The following RHOA variants were observed in gnomAD, a reference collection of about 807,000 sequenced individuals.
RHOA encodes transforming protein RhoA.
Under a neutral mutation model 17.5 loss-of-function variants are expected in RHOA, and 3 were observed. The ratio of observed to expected loss-of-function variants is 0.17; its 90% confidence interval spans 0.08 to 0.44. The LOEUF is 0.44. Among genes scored for constraint, RHOA ranks in the 20% least tolerant of loss-of-function variants. The pLI, the probability that RHOA is intolerant of heterozygous loss-of-function variation, is 0.99. For synonymous variants in RHOA, 98 were observed against 88.4 expected (o/e 1.11, Z -0.61); for missense variants, 56 against 242.3 (o/e 0.23, Z 5.10).
chr3:49,408,489 A>G (rs545589448), intron 1 of RHOA, among the ~76,000 whole-genome samples: 2 of 152,210 alleles, frequency 1.3e-5, no homozygotes, highest in South Asian at 2.1e-4. Context: ...CAGAACGAGC[A>G]GCTTCAGTGC....
chr3:49,386,642 T>G (rs981569420), intron 1 of RHOA, among the ~76,000 whole-genome samples: 1 of 152,204 alleles, frequency 6.6e-6, no homozygotes, highest in Non-Finnish European at 1.5e-5. Flanking sequence ...TAGCGTATTA[T>G]TCTCCTTTGC....
intron 3 of RHOA, among the ~76,000 whole-genome samples, chr3:49,363,081 A>G (rs1280353294): frequency 1.3e-5 from 2 of 152,232 alleles, no homozygotes. Context: ...AACTCTCAGC[A>G]TAACTTCTAC....
intron 1 of RHOA, among the ~76,000 whole-genome samples, chr3:49,400,305 C>T (rs1330836629): frequency 6.6e-6 from 1 of 151,838 alleles, no homozygotes; most frequent in African/African-American, 2.4e-5. Context: ...ACTGGCCACC[C>T]CCCACCACCT....
At chr3:49,362,688 A>T in intron 3 of RHOA, 62 bp from the exon 4 acceptor site, 2 of 1,402,690 alleles carry the variant, frequency 1.4e-6, no homozygotes, top group Non-Finnish European at 1.9e-6. Context: ...ACTTTCCAAG[A>T]ACCTCAGTGA....
intron 1 of RHOA, among the ~76,000 whole-genome samples, chr3:49,377,074 G>A (rs1156260634): frequency 1.3e-5 from 2 of 152,314 alleles, no homozygotes; most frequent in East Asian, 3.9e-4. Flanking sequence ...GTTGTGGTGA[G>A]CCGAGATCAT....
At chr3:49,404,616 A>C (rs2048789363) in intron 1 of RHOA, among the ~76,000 whole-genome samples, 1 of 80,592 alleles carries the variant, frequency 1.2e-5, no homozygotes, top group African/African-American at 4.7e-5. Context: ...CGTCTCAAAA[A>C]AAAAAAAAAA....
At chr3:49,376,956 C>G (rs1465811051) in intron 1 of RHOA, among the ~76,000 whole-genome samples, 1 of 151,844 alleles carries the variant, frequency 6.6e-6, no homozygotes, top group African/African-American at 2.4e-5. Flanking sequence ...TGGAGAAACC[C>G]CATCTCTACC....
At chr3:49,404,458 AAAATTAGCCGGGCATGGTGG>A (rs2048782307) in intron 1 of RHOA, among the ~76,000 whole-genome samples, 1 of 146,668 alleles carries the variant, frequency 6.8e-6, no homozygotes. Flanking sequence ...ACACACACAC[AAAATTAGCCGGGCATGGTGG>A]CACGCACCTG....
At chr3:49,411,103 T>C (rs976055574) in intron 1 of RHOA, among the ~76,000 whole-genome samples, 1 of 152,192 alleles carries the variant, frequency 6.6e-6, no homozygotes, top group African/African-American at 2.4e-5. Context: ...ATTGCATCTA[T>C]TTTCATGCAA....
chr3:49,390,994 G>A (rs999468945), intron 1 of RHOA, among the ~76,000 whole-genome samples: 1 of 151,644 alleles, frequency 6.6e-6, no homozygotes, highest in Non-Finnish European at 1.5e-5. Flanking sequence ...TGAGGCAGGA[G>A]GATCACGAGG....
intron 1 of RHOA, among the ~76,000 whole-genome samples, chr3:49,409,839 A>G (rs1301274538): frequency 6.6e-6 from 1 of 152,186 alleles, no homozygotes; most frequent in African/African-American, 2.4e-5. Flanking sequence ...TACACGCAGT[A>G]CCCCAAATCA....
rs556714905 is a variant in RHOA at position 49,408,565 on chromosome 3, T to G, written c.-3+3255A>C. Among the ~76,000 whole-genome samples, 14 of 152,190 alleles carry G rather than the reference T, an allele frequency of 9.2e-5. 1 individual carries two copies. The highest frequency in any genetic ancestry group is 3.4e-4 in the African/African-American group (14 of 41,524). On this transcript the variant is annotated intron_variant, in intron 1 of 4. Coordinates refer to ENST00000418115, the MANE Select transcript of RHOA (RefSeq NM_001664.4). Reference sequence around the variant, plus strand: ...CAAGGCCTTCACTTAATACTACAGCTCCACAGATTAAAGATGAGGGATTTT... The same window carrying G: ...CAAGGCCTTCACTTAATACTACAGCGCCACAGATTAAAGATGAGGGATTTT...
At chr3:49,385,541 TG>T (rs1289636460) in intron 1 of RHOA, among the ~76,000 whole-genome samples, 4 of 152,174 alleles carry the variant, frequency 2.6e-5, no homozygotes, top group East Asian at 3.9e-4. Context: ...TAAACTCAGT[TG>T]TTTTTTTTAT....
intron 2 of RHOA, among the ~76,000 whole-genome samples, chr3:49,369,116 C>G (rs2048110134): frequency 7.1e-6 from 1 of 140,636 alleles, no homozygotes; most frequent in African/African-American, 2.7e-5. Flanking sequence ...GCTCTGCCCC[C>G]GGGTTCATGC....
chr3:49,387,654 A>C (rs2048423147), intron 1 of RHOA, among the ~76,000 whole-genome samples: 2 of 150,170 alleles, frequency 1.3e-5, no homozygotes, highest in South Asian at 4.2e-4. Flanking sequence ...CTGAGGTAGG[A>C]GAATGGTGTG....
chr3:49,409,582 A>C (rs1454937866), intron 1 of RHOA, among the ~76,000 whole-genome samples: 4 of 152,084 alleles, frequency 2.6e-5, no homozygotes, highest in Admixed American at 6.6e-5. Context: ...GTTAACATAT[A>C]TCTCTCAGCT....
intron 1 of RHOA, among the ~76,000 whole-genome samples, chr3:49,393,575 G>A (rs1437925351): frequency 2.7e-5 from 4 of 148,224 alleles, no homozygotes; most frequent in African/African-American, 1.0e-4. Flanking sequence ...TCAGATTACA[G>A]GTGTAGGCCA....
At chr3:49,411,119 CTTAA>C (rs2048926192) in intron 1 of RHOA, among the ~76,000 whole-genome samples, 1 of 152,142 alleles carries the variant, frequency 6.6e-6, no homozygotes, top group African/African-American at 2.4e-5. Context: ...TGCAACATCG[CTTAA>C]ATCATTTACA....
intron 3 of RHOA, chr3:49,366,918 T>C (rs749297080): frequency 2.0e-5 from 3 of 152,060 alleles, no homozygotes; most frequent in Non-Finnish European, 2.9e-5. Flanking sequence ...TGCCCTGTCA[T>C]GACAGGGAGG....
Sources: allele counts gnomAD v4.1 joint callset (sites outside exome capture counted in the v4.1 genomes callset), GRCh38; gene constraint gnomAD v4.1.1; transcripts MANE v1.5; gene names NCBI Gene and HGNC (gene_info 2026-07-23, HGNC 2026-07-21).